The following CMYA5 variants were observed in gnomAD, a reference collection of about 807,000 sequenced individuals.
The protein encoded by CMYA5 is cardiomyopathy associated 5, also known as cardiomyopathy-associated protein 5.
In CMYA5, 246 loss-of-function variants were observed where a neutral mutation model predicts 318.9. The observed-to-expected ratio is 0.77, with a 90% CI of 0.70 to 0.86. CMYA5 has a LOEUF of 0.86. CMYA5 is among the 40% of genes least tolerant of loss of function. The pLI is 0.00. For missense variants in CMYA5, 4,589 were observed against 4,678.2 expected (o/e 0.98, Z 0.56); for synonymous variants, 1,641 against 1,729.5 (o/e 0.95, Z 1.27).
intron 9 of CMYA5, among the ~76,000 whole-genome samples, chr5:79,771,969 C>G (rs1003991899): frequency 7.9e-5 from 12 of 152,100 alleles, no homozygotes; most frequent in African/African-American, 2.7e-4. Flanking sequence ...CAAATCCCCT[C>G]TCGTTAATAT....
At chr5:79,714,431 C>CTTTTTCTT (rs767402291) in intron 1 of CMYA5, among the ~76,000 whole-genome samples, 32,032 of 101,014 alleles carry the variant, frequency 0.32, 5,940 homozygotes, top group African/African-American at 0.43. Context: ...TTTTCTTTTT[C>CTTTTTCTT]TTTTTTTTTT....
In CMYA5 at chr5:79,728,936, G is replaced by A. The variant is rs1183738490; in HGVS notation, c.171G>A (p.Glu57=). ...PDSRLSDQDE[E]GKIKQEYIIS... is the part of the protein sequence containing the mutation. Reference sequence around the variant, plus strand: ...ATAGGTTATCAGACCAGGATGAAGAGGGAAAGATCAAGCAGGAGTATATCA... The same window carrying A: ...ATAGGTTATCAGACCAGGATGAAGAAGGAAAGATCAAGCAGGAGTATATCA... Residue 57 remains glutamate (E), a synonymous_variant, in exon 2 of 13, where the codon GAG becomes GAA. Coordinates refer to ENST00000446378, the MANE Select transcript of CMYA5 (RefSeq NM_153610.5). The A allele has an allele frequency of 6.3e-7, 1 of 1,588,466 alleles. No homozygotes were observed. Among genetic ancestry groups the A allele is most frequent in the African/African-American group, 1.4e-5 (1 of 73,864 alleles).
chr5:79,768,127 C>CT lies in CMYA5; in HGVS notation c.11555+4928dup, dbSNP rs1181025721. On this transcript the variant is annotated intron_variant, in intron 9 of 12. Transcript: ENST00000446378. Reference sequence around the variant, plus strand: ...TCAGAGACTAGGATTGCAACCCCTGCTTTTTTTTTTCTTTCCATTTGCTTG... The same window carrying CT: ...TCAGAGACTAGGATTGCAACCCCTGCTTTTTTTTTTTCTTTCCATTTGCTTG... Among the ~76,000 whole-genome samples the CT allele has an allele frequency of 6.3e-3, 943 of 149,174 alleles. 7 individuals are homozygous for CT. The highest frequency in any genetic ancestry group is 0.022 in the African/African-American group (876 of 40,732).
At chr5:79,748,280 A>G (rs1446764031) in intron 5 of CMYA5, among the ~76,000 whole-genome samples, 1 of 152,140 alleles carries the variant, frequency 6.6e-6, no homozygotes, top group Admixed American at 6.6e-5. Flanking sequence ...TCTGGTTTAT[A>G]CAATCTATCC....
chr5:79,791,038 A>T lies in CMYA5; in HGVS notation c.11758A>T (p.Ile3920Phe), dbSNP rs1259545208. 1 of 1,613,818 alleles carries T rather than the reference A, an allele frequency of 6.2e-7. No individual in the cohort carries two copies. The highest frequency in any genetic ancestry group is 1.1e-5 in the South Asian group (1 of 91,010). ...ACACATTTCCTCAAGTGGGACAGTG[A>T]TCAGCTTTGGTGAGAGGAGACGGCT... ...ALHISSSGTVISFGERRRLTE... is the reference protein window; with the variant it reads ...ALHISSSGTVFSFGERRRLTE... Residue 3920 changes from isoleucine (I) to phenylalanine (F), a missense_variant, in exon 11 of 13, where the codon ATC becomes TTC. Physicochemically the swap from Ile to Phe is conservative, Grantham distance 21. This residue lies in a region of CMYA5 where 2,431 missense variants were observed against 2,495.1 expected (regional missense o/e 0.97). Transcript: ENST00000446378.
In CMYA5 at chr5:79,732,440, A is replaced by C. The variant is rs373337850; in HGVS notation, c.3675A>C (p.Lys1225Asn). 3 of 1,613,396 alleles carry C rather than the reference A, an allele frequency of 1.9e-6. No homozygotes were observed. The African/African-American group carries it at 4.0e-5, about 22-fold the overall frequency. The change falls in exon 2 of 13, where the codon AAA becomes AAC. Residue 1225 changes from lysine (K) to asparagine (N), a missense_variant. Transcript: ENST00000446378. Reference sequence around the variant, plus strand: ...CAGCACATGTATCACAGGATCAAAAAATGGAGCCTCAGCCTCCAAATGTTC... The same window carrying C: ...CAGCACATGTATCACAGGATCAAAACATGGAGCCTCAGCCTCCAAATGTTC... Reference protein sequence around the residue: ...EATAHVSQDQKMEPQPPNVPE... With the variant: ...EATAHVSQDQNMEPQPPNVPE...
Position 79,723,749 on chromosome 5 carries a change from G to A in CMYA5, c.150-5166G>A, listed in dbSNP as rs144212106. Among the ~76,000 whole-genome samples, 480 of 147,334 alleles carry A rather than the reference G, an allele frequency of 3.3e-3. 2 individuals carry two copies. The highest frequency in any genetic ancestry group is 0.012 in the African/African-American group (461 of 39,056). On this transcript the variant is annotated intron_variant, in intron 1 of 12. Transcript: ENST00000446378. ...TGCACTCCAGCCTGGGTGACAGAGCGAGTCCCTGTCTCAAAAACAAAACAA... is the reference window on the plus strand; with the variant it reads ...TGCACTCCAGCCTGGGTGACAGAGCAAGTCCCTGTCTCAAAAACAAAACAA...
chr5:79,717,658 A>G (rs1166084573), intron 1 of CMYA5, among the ~76,000 whole-genome samples: 1 of 152,200 alleles, frequency 6.6e-6, no homozygotes, highest in Non-Finnish European at 1.5e-5. Flanking sequence ...CAGGTTTCAA[A>G]TAGTAGAGGG....
rs73773433 is a variant in CMYA5 at position 79,753,605 on chromosome 5, C to A, written c.11110+811C>A. Among the ~76,000 whole-genome samples the A allele has an allele frequency of 7.4e-3, 1,120 of 151,990 alleles. 12 individuals are homozygous for A. The highest frequency in any genetic ancestry group is 0.024 in the African/African-American group (985 of 41,462). On this transcript the variant is annotated intron_variant, in intron 6 of 12. Coordinates refer to ENST00000446378, the MANE Select transcript of CMYA5 (RefSeq NM_153610.5). ...TGTCTAAAAACAACAACAACAACAA[C>A]AAAAAACCCCAAAAAACAAAAACAA...
In CMYA5 at chr5:79,744,922, A is replaced by G. The variant is rs371865181; in HGVS notation, c.10735-300A>G. 2.7e-4 allele frequency among the ~76,000 whole-genome samples: 41 copies of G among 152,312 alleles called. No individual in the cohort carries two copies. In the East Asian group the frequency reaches 5.0e-3, roughly 19 times the overall value. On this transcript the variant is annotated intron_variant, in intron 3 of 12. Transcript: ENST00000446378. ...CTCACTCAACGTGATGCCATTTTCAAGTTTCATCATGTGTGAGTGCAGGTG... is the reference window on the plus strand; with the variant it reads ...CTCACTCAACGTGATGCCATTTTCAGGTTTCATCATGTGTGAGTGCAGGTG...
In CMYA5 at chr5:79,736,762, T is replaced by C. The variant is rs1561212204; in HGVS notation, c.7997T>C (p.Met2666Thr). ...GTATTAGAAAAGTCAAGCAGAGATATGCCAGATCACAGTGAAGAAAAAGAA... is the reference window on the plus strand; with the variant it reads ...GTATTAGAAAAGTCAAGCAGAGATACGCCAGATCACAGTGAAGAAAAAGAA... ...NLVLEKSSRD[M>T]PDHSEEKEQF... is the part of the protein sequence containing the mutation. Residue 2666 changes from methionine to threonine, a missense_variant, in exon 2 of 13, where the codon ATG becomes ACG. Met to Thr is a moderately conservative substitution (Grantham distance 81). Transcript: ENST00000446378. The C allele has an allele frequency of 6.2e-7, 1 of 1,612,738 alleles. No homozygotes were observed.
At chr5:79,797,729 C>T (rs1439249851) in intron 12 of CMYA5, among the ~76,000 whole-genome samples, 1 of 152,148 alleles carries the variant, frequency 6.6e-6, no homozygotes, top group Non-Finnish European at 1.5e-5. Flanking sequence ...AAGTCTAGAG[C>T]CTGGCCCCTG....
At chr5:79,751,332 C>T (rs917953632) in intron 5 of CMYA5, among the ~76,000 whole-genome samples, 3 of 152,106 alleles carry the variant, frequency 2.0e-5, no homozygotes, top group Non-Finnish European at 2.9e-5. Flanking sequence ...TGTACTTGGC[C>T]GCATCTCCAT....
At chr5:79,771,514 G>A (rs143706565) in intron 9 of CMYA5, among the ~76,000 whole-genome samples, 1 of 152,254 alleles carries the variant, frequency 6.6e-6, no homozygotes, top group African/African-American at 2.4e-5. Flanking sequence ...AATCACATCA[G>A]CACAGTTGGA....
At chr5:79,739,504 G>A in intron 2 of CMYA5, 101 bp downstream of exon 2, 1 of 960,050 alleles carries the variant, frequency 1.0e-6, no homozygotes, top group Non-Finnish European at 1.4e-6. Context: ...TTTGATCATT[G>A]ATCTTTAAGC....
chr5:79,708,415 A>T (rs1827315961), intron 1 of CMYA5, among the ~76,000 whole-genome samples: 1 of 151,858 alleles, frequency 6.6e-6, no homozygotes, highest in Admixed American at 6.6e-5. Flanking sequence ...AGGTCAGGAG[A>T]TTGAGATCAT....
At chr5:79,745,533 A>G (rs1419674312) in intron 4 of CMYA5, 78 bp downstream of exon 4, 4 of 867,968 alleles carry the variant, frequency 4.6e-6, no homozygotes, top group South Asian at 4.5e-5. Flanking sequence ...ATTTTTCACT[A>G]TTCCTTAAGA....
intron 5 of CMYA5, among the ~76,000 whole-genome samples, chr5:79,750,820 T>A (rs760229686): frequency 9.9e-5 from 15 of 152,180 alleles, no homozygotes; most frequent in Non-Finnish European, 1.5e-4. Context: ...TGCCTTTTCA[T>A]ATGCTGATGT....
intron 1 of CMYA5, among the ~76,000 whole-genome samples, chr5:79,697,455 A>T (rs1055013634): frequency 6.6e-6 from 1 of 152,192 alleles, no homozygotes; most frequent in African/African-American, 2.4e-5. Flanking sequence ...CCTTACCCTC[A>T]TGCTTCTGAT....
Sources: allele counts gnomAD v4.1 joint callset (sites outside exome capture counted in the v4.1 genomes callset), GRCh38; gene constraint gnomAD v4.1.1; regional missense constraint gnomAD v4.1.1; transcripts MANE v1.5; gene names NCBI Gene and HGNC (gene_info 2026-07-23, HGNC 2026-07-21).